LRIT3: variants seen among roughly 807,000 people sequenced by gnomAD.
LRIT3 encodes leucine-rich repeat, immunoglobulin-like domain and transmembrane domain-containing protein 3.
LRIT3 carries 14 observed loss-of-function variants against 22.6 expected under a neutral mutation model. The ratio of observed to expected loss-of-function variants is 0.62; its 90% CI spans 0.41 to 0.97. The LOEUF is 0.97. Among genes scored for constraint, LRIT3 ranks in the 50% least tolerant of loss-of-function variants. LRIT3 has a pLI of 0.00. For synonymous variants in LRIT3, 306 were observed against 304.5 expected, an observed-to-expected ratio of 1.01 and a Z score of -0.05; for missense variants, 783 against 803.0, an observed-to-expected ratio of 0.98 and a Z score of 0.30.
Position 109,851,666 on chromosome 4 carries a change from G to A in LRIT3, c.279G>A (p.Val93=). ...LQYLWVTYNS[V]ASIDPSSFYN... Reference sequence around the variant, plus strand: ...ATCTCTGGGTGACTTACAATTCCGTGGCCAGCATTGACCCCAGCAGCTTTT... The same window carrying A: ...ATCTCTGGGTGACTTACAATTCCGTAGCCAGCATTGACCCCAGCAGCTTTT... Residue 93 remains valine (V), a synonymous_variant, in exon 2 of 4, where the codon GTG becomes GTA. Transcript: ENST00000594814. The A allele has an allele frequency of 1.3e-6, 2 of 1,551,658 alleles. No homozygotes were observed. The highest frequency in any genetic ancestry group is 3.9e-5 in the Admixed American group (2 of 51,000).
In LRIT3 at chr4:109,869,900, C is replaced by G. The variant is rs397509379; in HGVS notation, c.1151C>G (p.Ser384Ter). 1.3e-5 allele frequency: 21 copies of G among 1,614,024 alleles called. No homozygotes were observed. Among genetic ancestry groups the G allele is most frequent in the Non-Finnish European group, 1.8e-5 (21 of 1,180,034 alleles). The change falls in exon 4 of 4, where the codon TCA becomes TGA. Residue 384 changes from serine (S) to a stop codon, truncating the protein, a stop_gained. Coordinates refer to ENST00000594814, the MANE Select transcript of LRIT3 (RefSeq NM_198506.5). LOFTEE classifies it low-confidence loss of function (END_TRUNC). Reference sequence around the variant, plus strand: ...TCTACATCTGTATCTAGCGCATCATCATATCTTTGGTCCTCTTCCTTCTCC... The same window carrying G: ...TCTACATCTGTATCTAGCGCATCATGATATCTTTGGTCCTCTTCCTTCTCC... ...GRSTSVSSAS[S>*]YLWSSSFSPT...
Position 109,870,182 on chromosome 4 carries a change from C to T in LRIT3, c.1433C>T (p.Thr478Ile), listed in dbSNP as rs1579383330. ...KKEELALLDQ[T>I]MLTETNAAIE... Reference sequence around the variant, plus strand: ...GAAGAGCTGGCATTGTTGGATCAAACAATGCTTACGGAGACAAATGCCGCA... The same window carrying T: ...GAAGAGCTGGCATTGTTGGATCAAATAATGCTTACGGAGACAAATGCCGCA... Residue 478 changes from threonine to isoleucine, a missense_variant, in exon 4 of 4, where the codon ACA (threonine) becomes ATA (isoleucine). This residue lies in a region of LRIT3 where 756 missense variants were observed against 753.8 expected (regional missense o/e 1.00). Transcript: ENST00000594814. 2 of 1,614,204 alleles carry T rather than the reference C, an allele frequency of 1.2e-6. No individual in the cohort carries two copies. The highest frequency in any genetic ancestry group is 1.7e-6 in the Non-Finnish European group (2 of 1,180,026).
At chr4:109,855,461 T>C (rs1233548174) in intron 2 of LRIT3, among the ~76,000 whole-genome samples, 1 of 152,194 alleles carries the variant, frequency 6.6e-6, no homozygotes, top group Non-Finnish European at 1.5e-5. Flanking sequence ...TAGCGGTCTA[T>C]CAATTTTGTT....
chr4:109,866,315 C>T (rs1038711320), intron 2 of LRIT3, among the ~76,000 whole-genome samples: 2 of 152,112 alleles, frequency 1.3e-5, no homozygotes, highest in African/African-American at 4.8e-5. Context: ...TTATATGAGG[C>T]TGTTATGGAA....
At chr4:109,851,255 A>G in intron 1 of LRIT3, 1 of 473,540 alleles carries the variant, frequency 2.1e-6, no homozygotes, top group South Asian at 2.7e-5. Context: ...AATCATCCAT[A>G]ACAGTGCCAT....
At chr4:109,861,569 T>C (rs1324298763) in intron 2 of LRIT3, among the ~76,000 whole-genome samples, 1 of 152,162 alleles carries the variant, frequency 6.6e-6, no homozygotes, top group Admixed American at 6.6e-5. Context: ...TCCATTTCCC[T>C]GATTATTAAT....
At chr4:109,865,056 G>T (rs916503042) in intron 2 of LRIT3, 5 of 1,408,740 alleles carry the variant, frequency 3.5e-6, no homozygotes, top group Non-Finnish European at 4.6e-6. Context: ...ATGGATTTTA[G>T]TGTTAGTTTG....
At position 109,848,311 on chromosome 4, in the gene LRIT3, G is replaced by A; in HGVS notation, c.110G>A (p.Gly37Glu). The A allele has an allele frequency of 1.1e-5, 13 of 1,230,226 alleles. No individual in the cohort carries two copies. The highest frequency in any genetic ancestry group is 3.1e-4 in the Middle Eastern group (1 of 3,206). 76.2% of individuals were successfully genotyped at this position (1,230,226 alleles called of 1,614,324 possible). ...CDYHGRNDGS[G>E]SRLVLCNDMD... The stretch of plus-strand genomic sequence containing the variant: ...TATCACGGCAGAAATGACGGCTCAG[G>A]ATCAAGGTATGCTCCTCTGCTTGTT... The change falls in exon 1 of 4, where the codon GGA (glycine) becomes GAA (glutamate). Residue 37 changes from glycine to glutamate, a missense_variant. By Grantham distance (98) the Gly-to-Glu change is moderately conservative (BLOSUM62 -2). Coordinates refer to ENST00000594814, the MANE Select transcript of LRIT3 (RefSeq NM_198506.5).
rs1436199983 is a variant in LRIT3 at position 109,867,824 on chromosome 4, C to T, written c.773C>T (p.Thr258Ile). 25 of 1,614,036 alleles carry T rather than the reference C, an allele frequency of 1.5e-5. No individual in the cohort carries two copies. Among genetic ancestry groups the T allele is most frequent in the East Asian group, 1.1e-4 (5 of 44,892 alleles). ...LEHCLKPSVM[T>I]SATKIMSALG... The stretch of plus-strand genomic sequence containing the variant: ...CATTGTCTGAAACCATCAGTGATGA[C>T]CTCAGCCACCAAAATCATGTCTGCT... Residue 258 changes from threonine to isoleucine, a missense_variant, in exon 3 of 4, where the codon ACC becomes ATC. By Grantham distance (89) the Thr-to-Ile change is moderately conservative. Coordinates refer to ENST00000594814, the MANE Select transcript of LRIT3 (RefSeq NM_198506.5).
chr4:109,869,990 C>T lies in LRIT3; in HGVS notation c.1241C>T (p.Pro414Leu). The T allele has an allele frequency of 6.2e-7, 1 of 1,614,138 alleles. No individual in the cohort carries two copies. The highest frequency in any genetic ancestry group is 8.5e-7 in the Non-Finnish European group (1 of 1,180,010). The change falls in exon 4 of 4, where the codon CCT becomes CTT. Residue 414 changes from proline (P) to leucine (L), a missense_variant. Around this residue, in one of 2 missense-constraint regions of LRIT3, gnomAD observed 756 missense variants for 753.8 expected, o/e 1.00. Coordinates refer to ENST00000594814, the MANE Select transcript of LRIT3 (RefSeq NM_198506.5). ...PPSTASFSLS[P>L]FSSSTVSSTT... The stretch of plus-strand genomic sequence containing the variant: ...TCTACTGCTTCCTTCTCTTTATCTC[C>T]TTTCTCCTCCTCCACTGTTTCTTCA...
rs1003177307 is a variant in LRIT3, at chr4:109,872,151, T to C, written c.*1362T>C. 2.0e-5 allele frequency: 3 copies of C among 152,180 alleles called. No homozygotes were observed. The highest frequency in any genetic ancestry group is 7.2e-5 in the African/African-American group (3 of 41,422). 9.4% of individuals were successfully genotyped at this position (152,180 alleles called of 1,614,324 possible). On this transcript the variant is annotated 3_prime_UTR_variant, in exon 4 of 4. Coordinates refer to ENST00000594814, the MANE Select transcript of LRIT3 (RefSeq NM_198506.5). Reference sequence around the variant, plus strand: ...GTAATTGACCCAGACTGAATACATGTATAAGAAATGGGAAAGATCTCCCAA... The same window carrying C: ...GTAATTGACCCAGACTGAATACATGCATAAGAAATGGGAAAGATCTCCCAA...
chr4:109,857,052 TCTGA>T (rs1161005847), intron 2 of LRIT3, among the ~76,000 whole-genome samples: 1 of 152,134 alleles, frequency 6.6e-6, no homozygotes, highest in African/African-American at 2.4e-5. Context: ...CTTCTCTGGC[TCTGA>T]CTATTAAAAT....
At position 109,867,966 on chromosome 4, in the gene LRIT3, C is replaced by A; in HGVS notation, c.895+20C>A. 1.9e-6 allele frequency: 3 copies of A among 1,592,688 alleles called. No homozygotes were observed. Among genetic ancestry groups the A allele is most frequent in the Non-Finnish European group, 2.6e-6 (3 of 1,167,112 alleles). ...ATACAGGTATTTTCTTAATTCAGCCCCATGATCAAAGGAGTTTACTAAGCT... is the reference window on the plus strand; with the variant it reads ...ATACAGGTATTTTCTTAATTCAGCCACATGATCAAAGGAGTTTACTAAGCT... On this transcript the variant is annotated intron_variant, in intron 3 of 3. Coordinates refer to ENST00000594814, the MANE Select transcript of LRIT3 (RefSeq NM_198506.5).
intron 1 of LRIT3, among the ~76,000 whole-genome samples, chr4:109,850,469 T>TTCTTTCTTTCTTTCTTTCTTTCTTTCTA (rs1560589108): frequency 8.0e-5 from 11 of 138,176 alleles, no homozygotes; most frequent in Non-Finnish European, 1.2e-4. Context: ...CTTTCTTTCT[T>TTCTTTCTTTCTTTCTTTCTTTCTTTCTA]TCTTTCTTTC....
chr4:109,870,087 A>T lies in LRIT3; in HGVS notation c.1338A>T (p.Gln446His). 1 of 1,614,182 alleles carries T rather than the reference A, an allele frequency of 6.2e-7. No individual in the cohort carries two copies. The highest frequency in any genetic ancestry group is 8.5e-7 in the Non-Finnish European group (1 of 1,180,020). Residue 446 changes from glutamine (Q) to histidine (H), a missense_variant, in exon 4 of 4, where the codon CAA (glutamine) becomes CAT (histidine). Gln to His is a conservative substitution (Grantham distance 24). Transcript: ENST00000594814. ...ACAAGCGATCATTCCAGCTCCACCA[A>T]GGTGGGAAAAGAAATTTAAAGGTGG... ...MANKRSFQLH[Q>H]GGKRNLKVAK...
At chr4:109,852,842 G>T (rs1321878434) in intron 2 of LRIT3, among the ~76,000 whole-genome samples, 1 of 151,986 alleles carries the variant, frequency 6.6e-6, no homozygotes. Context: ...TGCAGTGTTT[G>T]GTTTTCTGTT....
At chr4:109,852,675 G>C (rs770761641) in intron 2 of LRIT3, among the ~76,000 whole-genome samples, 2 of 152,026 alleles carry the variant, frequency 1.3e-5, no homozygotes, top group Non-Finnish European at 2.9e-5. Context: ...TGCCATGGTG[G>C]CTTGCTGCAC....
At chr4:109,850,912 A>G (rs564855974) in intron 1 of LRIT3, among the ~76,000 whole-genome samples, 15 of 152,280 alleles carry the variant, frequency 9.9e-5, no homozygotes, top group African/African-American at 3.6e-4. Flanking sequence ...AAGTCACGTT[A>G]TTAAAACAGA....
chr4:109,868,391 CA>C (rs1347033912), intron 3 of LRIT3, among the ~76,000 whole-genome samples: 3 of 151,948 alleles, frequency 2.0e-5, no homozygotes, highest in Non-Finnish European at 4.4e-5. Flanking sequence ...GCCAACATGG[CA>C]AAACTCCGTC....
Sources: gnomAD v4.1 joint callset for allele counts (sites outside exome capture counted in the v4.1 genomes callset) on GRCh38, gnomAD v4.1.1 for gene constraint, gnomAD v4.1.1 regional missense constraint, MANE v1.5 for transcripts, NCBI Gene and HGNC (gene_info 2026-07-23, HGNC 2026-07-21) for gene names.